Variants in SGTB observed in about 807,000 individuals in gnomAD.
SGTB encodes small glutamine-rich tetratricopeptide repeat-containing protein beta.
A neutral mutation model predicts 43.9 loss-of-function variants in SGTB; 19 were observed. The observed-to-expected ratio is 0.43, with a 90% CI of 0.30 to 0.63. The LOEUF is 0.63. SGTB is among the 30% of genes least tolerant of loss of function. The probability of loss-of-function intolerance (pLI) is 0.12; values close to 1 mark genes in which losing one functional copy is unlikely to be tolerated. For missense variants in SGTB, 304 were observed against 358.9 expected, an observed-to-expected ratio of 0.85 and a Z score of 1.24; for synonymous variants, 116 against 117.3, an observed-to-expected ratio of 0.99 and a Z score of 0.07.
At chr5:65,689,536 T>C (rs914034518) in intron 5 of SGTB, among the ~76,000 whole-genome samples, 5 of 152,192 alleles carry the variant, frequency 3.3e-5, no homozygotes, top group African/African-American at 1.2e-4. Context: ...TGGTTTATAA[T>C]AACAACTGAA....
upstream of SGTB, chr5:65,722,282 C>G (rs1402723970): frequency 2.0e-6 from 2 of 1,020,704 alleles, no homozygotes; most frequent in Non-Finnish European, 2.7e-6. Flanking sequence ...TAGGCCGGCT[C>G]GAGACTCCCG....
intron 5 of SGTB, among the ~76,000 whole-genome samples, chr5:65,699,041 A>G (rs1223862235): frequency 6.6e-6 from 1 of 151,982 alleles, no homozygotes; most frequent in Non-Finnish European, 1.5e-5. Flanking sequence ...GTACCCACCC[A>G]AAGAAAAAAA....
At chr5:65,693,410 G>C (rs1757656179) in intron 5 of SGTB, among the ~76,000 whole-genome samples, 1 of 148,118 alleles carries the variant, frequency 6.8e-6, no homozygotes, top group Non-Finnish European at 1.5e-5. Flanking sequence ...AAGGAAGGAA[G>C]GAAGGAGAGA....
intron 8 of SGTB, among the ~76,000 whole-genome samples, chr5:65,673,235 T>C (rs1267138557): frequency 6.6e-6 from 1 of 152,212 alleles, no homozygotes. Context: ...ATCAAATACA[T>C]AAAGCTTCAT....
At chr5:65,722,402 G>T (rs758631321), upstream of SGTB, 1 of 1,590,834 alleles carries the variant, frequency 6.3e-7, no homozygotes, top group South Asian at 1.1e-5. Context: ...TTGGCTGTGC[G>T]AAGCCTCCGC....
chr5:65,671,255 A>C (rs1242164628), intron 10 of SGTB, among the ~76,000 whole-genome samples: 1 of 152,186 alleles, frequency 6.6e-6, no homozygotes, highest in Admixed American at 6.5e-5. Flanking sequence ...CTTTATATAT[A>C]TATGAGATCA....
intron 3 of SGTB, among the ~76,000 whole-genome samples, chr5:65,709,465 G>A (rs1183382441): frequency 2.7e-5 from 4 of 150,580 alleles, no homozygotes; most frequent in Non-Finnish European, 4.4e-5. Flanking sequence ...TGCAATCTGC[G>A]CCTCCCAGGT....
intron 8 of SGTB, among the ~76,000 whole-genome samples, chr5:65,678,104 T>A (rs1482793578): frequency 1.3e-5 from 2 of 152,168 alleles, no homozygotes; most frequent in Non-Finnish European, 2.9e-5. Context: ...AACCCTATTG[T>A]CTCAGTCGAG....
chr5:65,670,975 A>G (rs1324451822), intron 10 of SGTB, among the ~76,000 whole-genome samples: 1 of 152,150 alleles, frequency 6.6e-6, no homozygotes, highest in Admixed American at 6.5e-5. Flanking sequence ...GTCTTCGCCA[A>G]TTTGATATAA....
At chr5:65,690,133 C>G (rs1057229843) in intron 5 of SGTB, among the ~76,000 whole-genome samples, 1 of 151,608 alleles carries the variant, frequency 6.6e-6, no homozygotes, top group African/African-American at 2.4e-5. Context: ...AAGAAGCAGC[C>G]AAGAAAAAGG....
At chr5:65,683,732 G>C (rs1428881691) in intron 6 of SGTB, among the ~76,000 whole-genome samples, 1 of 152,014 alleles carries the variant, frequency 6.6e-6, no homozygotes, top group African/African-American at 2.4e-5. Flanking sequence ...GGATCGTGAG[G>C]TCAGGAGATC....
At chr5:65,708,909 C>T (rs1051491249) in intron 3 of SGTB, among the ~76,000 whole-genome samples, 1 of 151,896 alleles carries the variant, frequency 6.6e-6, no homozygotes, top group Non-Finnish European at 1.5e-5. Context: ...GGTGTGGTGG[C>T]ATGTGCCTGT....
At chr5:65,703,948 G>A (rs1259402162) in intron 5 of SGTB, among the ~76,000 whole-genome samples, 5 of 149,792 alleles carry the variant, frequency 3.3e-5, no homozygotes, top group Non-Finnish European at 7.4e-5. Flanking sequence ...TGAGGCAGGA[G>A]AAGGGCGTGA....
At chr5:65,690,778 A>G (rs1028216171) in intron 5 of SGTB, among the ~76,000 whole-genome samples, 2 of 152,232 alleles carry the variant, frequency 1.3e-5, no homozygotes, top group African/African-American at 2.4e-5. Flanking sequence ...GGGATGGGTG[A>G]GAATGGGGTA....
intron 5 of SGTB, among the ~76,000 whole-genome samples, chr5:65,698,128 C>A (rs953853569): frequency 1.3e-5 from 2 of 152,072 alleles, no homozygotes; most frequent in African/African-American, 4.8e-5. Context: ...CTCCACCATG[C>A]CTGGCTAGGA....
At position 65,704,047 on chromosome 5, in the gene SGTB, A is replaced by T. The variant is rs59245666; in HGVS notation, c.374+232T>A. Among the ~76,000 whole-genome samples the T allele has an allele frequency of 3.3e-3, 418 of 125,206 alleles. 4 individuals carry two copies. Among genetic ancestry groups the T allele is most frequent in the African/African-American group, 0.011 (376 of 33,410 alleles). The allele number at this position is 125,206 out of a possible 152,430, so 82.1% of individuals were successfully genotyped here. ...TGAGACTCCGTCTCAAAAAAAAAAAAAAAAATAAATAAATAAATAAATAAA... is the reference window on the plus strand; with the variant it reads ...TGAGACTCCGTCTCAAAAAAAAAAATAAAAATAAATAAATAAATAAATAAA... On this transcript the variant is annotated intron_variant, in intron 5 of 10. Transcript: ENST00000381007.
chr5:65,688,414 A>G (rs1192958911), intron 5 of SGTB, among the ~76,000 whole-genome samples: 1 of 152,238 alleles, frequency 6.6e-6, no homozygotes, highest in Non-Finnish European at 1.5e-5. Context: ...TTTTCTGCCA[A>G]GAGTCTCACC....
chr5:65,722,194 G>A, upstream of SGTB: 1 of 308,236 alleles, frequency 3.2e-6, no homozygotes. Flanking sequence ...ACGGCGCGGG[G>A]CGGGGCTGGT....
intron 6 of SGTB, among the ~76,000 whole-genome samples, chr5:65,684,677 T>C (rs1443853174): frequency 6.6e-6 from 1 of 152,084 alleles, no homozygotes; most frequent in Non-Finnish European, 1.5e-5. Context: ...CTTAGCCTCC[T>C]GAGTAGCTGG....
Sources: gnomAD v4.1 joint callset for allele counts (sites outside exome capture counted in the v4.1 genomes callset) on GRCh38, gnomAD v4.1.1 for gene constraint, MANE v1.5 for transcripts, NCBI Gene and HGNC (gene_info 2026-07-23, HGNC 2026-07-21) for gene names.